ARID4B: variants seen among roughly 807,000 people sequenced by gnomAD.
The protein encoded by ARID4B is AT-rich interactive domain-containing protein 4B.
Under a neutral mutation model 147.5 loss-of-function variants are expected in ARID4B, and 26 were observed. The ratio of observed to expected loss-of-function variants is 0.18; its 90% CI spans 0.13 to 0.24. The LOEUF is 0.24. ARID4B is among the 10% of genes least tolerant of loss of function. The pLI, the probability that ARID4B is intolerant of heterozygous loss-of-function variation, is 1.00. For synonymous variants in ARID4B, 512 were observed against 507.9 expected (o/e 1.01, Z -0.11); for missense variants, 1,179 against 1,511.5 (o/e 0.78, Z 3.65).
chr1:235,301,960 T>C (rs1218635850), intron 2 of ARID4B, among the ~76,000 whole-genome samples: 3 of 151,496 alleles, frequency 2.0e-5, no homozygotes, highest in South Asian at 2.1e-4. Context: ...CCCAAAGTGC[T>C]AGGATTACAG....
chr1:235,211,829 AT>A (rs1223039137), intron 17 of ARID4B, among the ~76,000 whole-genome samples: 1 of 152,228 alleles, frequency 6.6e-6, no homozygotes, highest in Non-Finnish European at 1.5e-5. Context: ...CGGTAAGATA[AT>A]TTAGTAAGAT....
At chr1:235,189,783 G>A (rs1267136863) in intron 19 of ARID4B, among the ~76,000 whole-genome samples, 3 of 151,950 alleles carry the variant, frequency 2.0e-5, no homozygotes, top group African/African-American at 4.8e-5. Context: ...GCTCATGCCT[G>A]TAATCCTAGC....
chr1:235,306,846 C>A (rs1673605925), intron 2 of ARID4B, among the ~76,000 whole-genome samples: 1 of 151,964 alleles, frequency 6.6e-6, no homozygotes, highest in Admixed American at 6.6e-5. Flanking sequence ...TTGGTAGAGA[C>A]AGGGTTTCGC....
intron 17 of ARID4B, among the ~76,000 whole-genome samples, chr1:235,196,853 C>CAAAAAAAAA (rs34581094): frequency 1.0e-4 from 9 of 88,276 alleles, no homozygotes; most frequent in Non-Finnish European, 1.3e-4. Flanking sequence ...CTCTGTTTCA[C>CAAAAAAAAA]AAAAAAAAAA....
At chr1:235,313,462 G>A (rs905337697) in intron 2 of ARID4B, among the ~76,000 whole-genome samples, 2 of 151,904 alleles carry the variant, frequency 1.3e-5, no homozygotes, top group African/African-American at 4.8e-5. Flanking sequence ...GTAGAGACTC[G>A]GGTTTAGCAG....
chr1:235,206,582 G>C (rs567695703), intron 17 of ARID4B, among the ~76,000 whole-genome samples: 7 of 152,240 alleles, frequency 4.6e-5, no homozygotes, highest in Admixed American at 1.3e-4. Context: ...TCTTAATTTT[G>C]AGAAAGGAAG....
At chr1:235,196,895 T>A (rs1665543529) in intron 17 of ARID4B, among the ~76,000 whole-genome samples, 1 of 138,298 alleles carries the variant, frequency 7.2e-6, no homozygotes, top group African/African-American at 2.7e-5. Flanking sequence ...AAAAGCACCA[T>A]ATTGTAACGT....
At chr1:235,271,227 C>G (rs190426933) in intron 2 of ARID4B, among the ~76,000 whole-genome samples, 1 of 151,924 alleles carries the variant, frequency 6.6e-6, no homozygotes, top group East Asian at 1.9e-4. Flanking sequence ...AGGTGGTGAA[C>G]ACTTATGGTC....
At chr1:235,307,497 T>C (rs1055085058) in intron 2 of ARID4B, among the ~76,000 whole-genome samples, 3 of 152,116 alleles carry the variant, frequency 2.0e-5, no homozygotes, top group African/African-American at 7.2e-5. Flanking sequence ...ATGTTTCAAA[T>C]GGCCAAAGGA....
chr1:235,274,191 G>C (rs1671164736), intron 2 of ARID4B, among the ~76,000 whole-genome samples: 1 of 151,680 alleles, frequency 6.6e-6, no homozygotes. Context: ...TGGGCAACAT[G>C]GTGAAATACA....
At chr1:235,288,451 G>C (rs1234828745) in intron 2 of ARID4B, among the ~76,000 whole-genome samples, 1 of 152,070 alleles carries the variant, frequency 6.6e-6, no homozygotes, top group Non-Finnish European at 1.5e-5. Flanking sequence ...TAACATTTCT[G>C]TGAATCTATT....
At chr1:235,171,499 T>G (rs1219343376) in intron 23 of ARID4B, among the ~76,000 whole-genome samples, 3 of 152,240 alleles carry the variant, frequency 2.0e-5, no homozygotes, top group Admixed American at 2.0e-4. Context: ...CATTTTCCTA[T>G]GGATTTTTCT....
intron 5 of ARID4B, among the ~76,000 whole-genome samples, chr1:235,255,427 A>G (rs1669923394): frequency 6.6e-6 from 1 of 152,068 alleles, no homozygotes; most frequent in Non-Finnish European, 1.5e-5. Flanking sequence ...TTGAAGTAAA[A>G]AAAGCTAGAA....
chr1:235,207,055 T>A (rs1468506457), intron 17 of ARID4B, among the ~76,000 whole-genome samples: 1 of 152,232 alleles, frequency 6.6e-6, no homozygotes, highest in Admixed American at 6.5e-5. Flanking sequence ...GACAGTAGCA[T>A]GACTGTATAT....
intron 18 of ARID4B, 21 bp from the exon 19 acceptor site, chr1:235,194,232 T>G: frequency 6.5e-7 from 1 of 1,533,768 alleles, no homozygotes; most frequent in Non-Finnish European, 9.0e-7. Flanking sequence ...AAAAAAAGTA[T>G]GTCGTAATTT....
intron 6 of ARID4B, among the ~76,000 whole-genome samples, chr1:235,247,207 G>A (rs563591178): frequency 6.6e-6 from 1 of 152,124 alleles, no homozygotes; most frequent in African/African-American, 2.4e-5. Flanking sequence ...AGCAACTAGA[G>A]ATTTCCAAGA....
intron 17 of ARID4B, among the ~76,000 whole-genome samples, chr1:235,200,061 G>A (rs1558193849): frequency 6.6e-6 from 1 of 151,110 alleles, no homozygotes; most frequent in African/African-American, 2.4e-5. Context: ...GCTCACACCT[G>A]TAATCCCAGA....
chr1:235,197,032 C>A (rs1449406995), intron 17 of ARID4B, among the ~76,000 whole-genome samples: 1 of 151,962 alleles, frequency 6.6e-6, no homozygotes, highest in African/African-American at 2.4e-5. Context: ...GAGTCAACAG[C>A]TGTGATGGCC....
At chr1:235,286,060 G>GTATTTTTTTT (rs1671950304) in intron 2 of ARID4B, among the ~76,000 whole-genome samples, 1 of 151,374 alleles carries the variant, frequency 6.6e-6, no homozygotes, top group Admixed American at 6.6e-5. Flanking sequence ...GTTTTGTTTT[G>GTATTTTTTTT]TTTTGAGATA....
Sources: gnomAD v4.1 joint callset for allele counts (sites outside exome capture counted in the v4.1 genomes callset) on GRCh38, gnomAD v4.1.1 for gene constraint, MANE v1.5 for transcripts, NCBI Gene and HGNC (gene_info 2026-07-23, HGNC 2026-07-21) for gene names.